PPP2R1B: variants seen among roughly 807,000 people sequenced by gnomAD.
PPP2R1B encodes serine/threonine-protein phosphatase 2A 65 kDa regulatory subunit A beta isoform.
Under a neutral mutation model 72.7 loss-of-function variants are expected in PPP2R1B, and 58 were observed. The ratio of observed to expected loss-of-function variants is 0.80; its 90% CI spans 0.65 to 0.99. The LOEUF (loss-of-function observed/expected upper bound fraction) is 0.99, where lower values mean the gene tolerates loss of function less well. PPP2R1B is among the 50% of genes least tolerant of loss of function. The probability of loss-of-function intolerance (pLI) is 0.00; values close to 1 mark genes in which losing one functional copy is unlikely to be tolerated. For synonymous variants in PPP2R1B, 256 were observed against 264.6 expected, an observed-to-expected ratio of 0.97 and a Z score of 0.32; for missense variants, 695 against 733.6, an observed-to-expected ratio of 0.95 and a Z score of 0.61.
the PPP2R1B span, among the ~76,000 whole-genome samples, chr11:111,695,393 A>G: frequency 3.9e-5 from 6 of 152,096 alleles, no homozygotes; most frequent in African/African-American, 9.7e-5. Flanking sequence ...TTGGTTTTCA[A>G]TGTTTTGTGT....
chr11:111,692,000 C>T, the PPP2R1B span, among the ~76,000 whole-genome samples: 80 of 152,184 alleles, frequency 5.3e-4, no homozygotes, highest in African/African-American at 1.9e-3. Context: ...TATTAGCTAA[C>T]ACTTGATTAA....
downstream of PPP2R1B, among the ~76,000 whole-genome samples, chr11:111,722,195 C>T (rs540791231): frequency 1.1e-4 from 17 of 152,272 alleles, no homozygotes; most frequent in African/African-American, 3.9e-4. This position sits in a 1 kb window ranked among gnomAD's most constrained non-coding sequence, Gnocchi z 4.4. Flanking sequence ...GAACGGGAGA[C>T]CTGGCTTCTT....
chr11:111,741,163 A>C lies in PPP2R1B; in HGVS notation c.*433T>G. 7.0e-6 allele frequency: 7 copies of C among 993,578 alleles called. No homozygotes were observed. Among genetic ancestry groups the C allele is most frequent in the Non-Finnish European group, 8.4e-6 (7 of 834,784 alleles). The allele number at this position is 993,578 out of a possible 1,614,324, so 61.5% of individuals were successfully genotyped here. A position where few individuals can be genotyped will look rare whatever the true frequency, so the allele number is the denominator to read the frequency against. The stretch of plus-strand genomic sequence containing the variant: ...AGAGTTTATAAAATAAGTTATTCTA[A>C]ACATGTACATTTAGCTTTGGAATGA... On this transcript the variant is annotated 3_prime_UTR_variant, in exon 15 of 15. Transcript: ENST00000527614.
At position 111,747,378 on chromosome 11, in the gene PPP2R1B, C is replaced by T. The variant is rs555593337; in HGVS notation, c.1399+576G>A. Among the ~76,000 whole-genome samples the T allele has an allele frequency of 5.3e-5, 8 of 152,322 alleles. No homozygotes were observed. The South Asian group carries it at 1.7e-3, about 32-fold the overall frequency. On this transcript the variant is annotated intron_variant, in intron 11 of 14. Transcript: ENST00000527614. ...TCCTATCTGACCTGCCCTGAGCTCA[C>T]CCTCTCCTAGCACTGTAGCAGCAGC...
At chr11:111,702,969 C>T in the PPP2R1B span, among the ~76,000 whole-genome samples, 59 of 151,806 alleles carry the variant, frequency 3.9e-4, no homozygotes, top group Non-Finnish European at 8.1e-4. Context: ...AGAAAGTTTC[C>T]TTTAGCCCAG....
chr11:111,701,663 A>G, the PPP2R1B span: 1 of 1,495,352 alleles, frequency 6.7e-7, no homozygotes, highest in Non-Finnish European at 9.0e-7. This position sits in a 1 kb window ranked among gnomAD's most constrained non-coding sequence, Gnocchi z 4.2. Context: ...TTTTTCTAAG[A>G]GTTTGGGTGC....
downstream of PPP2R1B, chr11:111,725,428 C>CACTT (rs1454838459): frequency 6.6e-6 from 1 of 152,564 alleles, no homozygotes; most frequent in African/African-American, 2.4e-5. Flanking sequence ...ACTTAACCAA[C>CACTT]ACTTACAATT....
At chr11:111,725,344 A>G (rs191715926), downstream of PPP2R1B, 29 of 152,774 alleles carry the variant, frequency 1.9e-4, no homozygotes, top group African/African-American at 5.5e-4. Context: ...TATTACAGCA[A>G]TATTCAAAGA....
the PPP2R1B span, among the ~76,000 whole-genome samples, chr11:111,714,225 G>A: frequency 6.6e-6 from 1 of 152,220 alleles, no homozygotes; most frequent in Non-Finnish European, 1.5e-5. Context: ...GATGGTCTGA[G>A]GAAAAGGGCA....
At chr11:111,731,108 A>G (rs2136007205) in intron 15 of PPP2R1B, among the ~76,000 whole-genome samples, 1 of 152,370 alleles carries the variant, frequency 6.6e-6, no homozygotes, top group South Asian at 2.1e-4. Context: ...CAGCCTGCAC[A>G]AGGACAGGGC....
rs534226209 is a variant in PPP2R1B, at chr11:111,739,341, G to A, written c.*2255C>T. 3 of 929,494 alleles carry A rather than the reference G, an allele frequency of 3.2e-6. No individual in the cohort carries two copies. The highest frequency in any genetic ancestry group is 2.2e-4 in the Admixed American group (2 of 9,234). The allele number at this position is 929,494 out of a possible 1,614,324, so 57.6% of individuals were successfully genotyped here. ...AGGAGAACTTTTCCCTTAAGTTTAA[G>A]GTAGTTAAAAAAAAAAATAGGAGAA... On this transcript the variant is annotated 3_prime_UTR_variant, in exon 15 of 15. Transcript: ENST00000527614.
At chr11:111,719,974 C>T in the PPP2R1B span, 3 of 1,614,054 alleles carry the variant, frequency 1.9e-6, no homozygotes, top group Non-Finnish European at 2.5e-6. Context: ...TCAGAAGTGA[C>T]CAATCAACTG....
At position 111,739,636 on chromosome 11, in the gene PPP2R1B, C is replaced by T. The variant is rs538115423; in HGVS notation, c.*1960G>A. 6.0e-5 allele frequency: 59 copies of T among 985,200 alleles called. No individual in the cohort carries two copies. The highest frequency in any genetic ancestry group is 1.2e-4 in the Admixed American group (2 of 16,262). The allele number at this position is 985,200 out of a possible 1,614,324, so 61.0% of individuals were successfully genotyped here. A position where few individuals can be genotyped will look rare whatever the true frequency, so the allele number is the denominator to read the frequency against. Reference sequence around the variant, plus strand: ...ACAAGGGCATTTTAAAAGTCTGTCCCCAAAACAATGGCATTTCCAACCAGA... The same window carrying T: ...ACAAGGGCATTTTAAAAGTCTGTCCTCAAAACAATGGCATTTCCAACCAGA... On this transcript the variant is annotated 3_prime_UTR_variant, in exon 15 of 15. Transcript: ENST00000527614.
chr11:111,717,921 G>A, the PPP2R1B span, among the ~76,000 whole-genome samples: 1 of 152,110 alleles, frequency 6.6e-6, no homozygotes, highest in Non-Finnish European at 1.5e-5. Flanking sequence ...CCTGTTAGGG[G>A]GGCAATGGGA....
intron 11 of PPP2R1B, among the ~76,000 whole-genome samples, chr11:111,744,295 A>G (rs1944627822): frequency 6.6e-6 from 1 of 152,220 alleles, no homozygotes; most frequent in Admixed American, 6.5e-5. Flanking sequence ...GAAAGACAAC[A>G]AGGAAATGGT....
At chr11:111,723,007 G>A (rs1331899917), downstream of PPP2R1B, among the ~76,000 whole-genome samples, 1 of 152,186 alleles carries the variant, frequency 6.6e-6, no homozygotes, top group African/African-American at 2.4e-5. Flanking sequence ...TTTGGGGTAT[G>A]ACTAGCTCCA....
chr11:111,745,112 C>T (rs920494382), intron 11 of PPP2R1B, among the ~76,000 whole-genome samples: 31 of 140,092 alleles, frequency 2.2e-4, no homozygotes, highest in African/African-American at 7.6e-4. Context: ...AGTGCAGTGG[C>T]GAGATCTCGG....
intron 9 of PPP2R1B, among the ~76,000 whole-genome samples, 160 bp from the exon 10 acceptor site, chr11:111,752,492 A>G (rs546264361): frequency 7.8e-4 from 119 of 152,370 alleles, no homozygotes; most frequent in African/African-American, 2.7e-3. Context: ...CTCAAGGAAC[A>G]TAAATGATCT....
chr11:111,742,633 A>G lies in PPP2R1B; in HGVS notation c.1587T>C (p.Thr529=), dbSNP rs1482573187. 3 of 1,613,372 alleles carry G rather than the reference A, an allele frequency of 1.9e-6. No individual in the cohort carries two copies. The highest frequency in any genetic ancestry group is 2.5e-6 in the Non-Finnish European group (3 of 1,179,834). ...ATACGATGGGCAGCATTTGCTTAGT[A>G]GTTATTTCCTGACCACAGGCCTCAG... is the stretch of plus-strand genomic sequence containing the variant. The part of the protein sequence containing the change: ...ALSEACGQEI[T]TKQMLPIVLK... The change falls in exon 13 of 15, where the codon ACT becomes ACC. Residue 529 remains threonine (T), a synonymous_variant. Coordinates refer to ENST00000527614, the MANE Select transcript of PPP2R1B (RefSeq NM_002716.5).
Sources: gnomAD v4.1 joint callset for allele counts (sites outside exome capture counted in the v4.1 genomes callset) on GRCh38, gnomAD v4.1.1 for gene constraint, Gnocchi (gnomAD v3.1) non-coding constraint, MANE v1.5 for transcripts, NCBI Gene and HGNC (gene_info 2026-07-23, HGNC 2026-07-21) for gene names.